NDUFS4: variants seen among roughly 807,000 people sequenced by gnomAD.
NDUFS4 encodes the protein NADH:ubiquinone oxidoreductase subunit S4, also known as NADH dehydrogenase [ubiquinone] iron-sulfur protein 4, mitochondrial.
A neutral mutation model predicts 24.3 loss-of-function variants in NDUFS4; 28 were observed. That is an observed-to-expected ratio of 1.15 (90% CI 0.85 to 1.58). The LOEUF (loss-of-function observed/expected upper bound fraction) is 1.58, where lower values mean the gene tolerates loss of function less well. Ranked by LOEUF, NDUFS4 falls within the 40% of genes most tolerant of loss-of-function variation. NDUFS4 has a pLI of 0.00. For synonymous variants in NDUFS4, 93 were observed against 69.7 expected, an observed-to-expected ratio of 1.34 and a Z score of -1.67; for missense variants, 223 against 207.9, an observed-to-expected ratio of 1.07 and a Z score of -0.45.
At chr5:53,655,935 C>G (rs1185111874) in intron 3 of NDUFS4, among the ~76,000 whole-genome samples, 1 of 152,132 alleles carries the variant, frequency 6.6e-6, no homozygotes, top group African/African-American at 2.4e-5. Flanking sequence ...AATCTTTGCT[C>G]AATTCTTTCA....
At chr5:53,561,935 T>C (rs2112400126) in intron 1 of NDUFS4, among the ~76,000 whole-genome samples, 1 of 152,232 alleles carries the variant, frequency 6.6e-6, no homozygotes, top group Non-Finnish European at 1.5e-5. Flanking sequence ...GTAAGGGTGC[T>C]AAGATTGGGG....
At chr5:53,663,466 T>C (rs1327847197) in intron 4 of NDUFS4, among the ~76,000 whole-genome samples, 1 of 151,742 alleles carries the variant, frequency 6.6e-6, no homozygotes, top group Admixed American at 6.6e-5. Flanking sequence ...GTGGGAGTCT[T>C]AAGTCTCTTT....
intron 1 of NDUFS4, among the ~76,000 whole-genome samples, chr5:53,579,728 G>A (rs1166811328): frequency 6.6e-6 from 1 of 152,098 alleles, no homozygotes; most frequent in African/African-American, 2.4e-5. Context: ...TAAAATAAAA[G>A]GGAGGGGAGG....
intron 2 of NDUFS4, among the ~76,000 whole-genome samples, chr5:53,603,802 A>G (rs1750409142): frequency 6.6e-6 from 1 of 152,128 alleles, no homozygotes; most frequent in African/African-American, 2.4e-5. Context: ...AACATTCATT[A>G]CTTTTTGTAA....
At chr5:53,665,878 T>G (rs572878142) in intron 4 of NDUFS4, among the ~76,000 whole-genome samples, 36 of 152,312 alleles carry the variant, frequency 2.4e-4, no homozygotes, top group African/African-American at 8.7e-4. Context: ...ACCCGGTACC[T>G]CAGTTGGAAA....
intron 1 of NDUFS4, among the ~76,000 whole-genome samples, chr5:53,574,840 CCA>C (rs1253036472): frequency 4.0e-5 from 6 of 149,956 alleles, no homozygotes; most frequent in Non-Finnish European, 6.0e-5. Flanking sequence ...CAATGTCCAT[CCA>C]GAAAATTGTG....
At chr5:53,652,967 T>C (rs911854054) in intron 3 of NDUFS4, among the ~76,000 whole-genome samples, 2 of 152,096 alleles carry the variant, frequency 1.3e-5, no homozygotes, top group Non-Finnish European at 2.9e-5. Context: ...TTTTATCTTT[T>C]AGGTTAGTAA....
intron 1 of NDUFS4, among the ~76,000 whole-genome samples, chr5:53,602,829 G>A (rs1357957161): frequency 2.6e-5 from 4 of 152,140 alleles, no homozygotes; most frequent in East Asian, 1.9e-4. Flanking sequence ...GTCCGTTAAC[G>A]TTAAGTAATT....
chr5:53,679,258 C>T (rs1260653699), intron 4 of NDUFS4, among the ~76,000 whole-genome samples: 1 of 151,976 alleles, frequency 6.6e-6, no homozygotes, highest in Admixed American at 6.6e-5. Context: ...ATTTTTTTTC[C>T]CTACACATCC....
chr5:53,577,195 T>C lies in NDUFS4; in HGVS notation c.98+16435T>C, dbSNP rs1264241697. Among the ~76,000 whole-genome samples the C allele has an allele frequency of 2.0e-5, 3 of 152,186 alleles. No individual in the cohort carries two copies. The East Asian group carries it at 5.8e-4, about 29-fold the overall frequency. On this transcript the variant is annotated intron_variant, in intron 1 of 4. Transcript: ENST00000296684. The stretch of plus-strand genomic sequence containing the variant: ...GAAACCTCCTGAGCAGTGTGTAGAA[T>C]GCTACCCAGTATTACCCATTTGAAA...
At chr5:53,680,301 A>G (rs1561405364) in intron 4 of NDUFS4, among the ~76,000 whole-genome samples, 1 of 152,190 alleles carries the variant, frequency 6.6e-6, no homozygotes, top group Non-Finnish European at 1.5e-5. Context: ...TCAGGGATCT[A>G]GAACTAGAAA....
chr5:53,584,044 C>T (rs936381863), intron 1 of NDUFS4, among the ~76,000 whole-genome samples: 7 of 152,174 alleles, frequency 4.6e-5, no homozygotes, highest in Admixed American at 1.3e-4. Context: ...CTTTTCCTTA[C>T]AGTCCTGCTG....
intron 3 of NDUFS4, among the ~76,000 whole-genome samples, chr5:53,647,039 C>G (rs542939111): frequency 8.6e-5 from 13 of 151,444 alleles, no homozygotes; most frequent in African/African-American, 3.1e-4. Context: ...GACACTTTAA[C>G]TTGTTTTAAA....
At chr5:53,566,935 G>A (rs1271607775) in intron 1 of NDUFS4, among the ~76,000 whole-genome samples, 3 of 147,972 alleles carry the variant, frequency 2.0e-5, no homozygotes, top group East Asian at 2.0e-4. Flanking sequence ...TGTGAACTCT[G>A]CCTCCCAGGT....
intron 4 of NDUFS4, among the ~76,000 whole-genome samples, chr5:53,664,385 T>A (rs1014214139): frequency 7.9e-5 from 12 of 151,302 alleles, no homozygotes; most frequent in Non-Finnish European, 1.3e-4. Flanking sequence ...CCTGCTTTGC[T>A]AGATTGGGGA....
intron 2 of NDUFS4, among the ~76,000 whole-genome samples, chr5:53,614,899 T>A (rs1221697446): frequency 3.3e-5 from 5 of 151,982 alleles, no homozygotes; most frequent in Admixed American, 2.0e-4. Context: ...AGGTTTTTTG[T>A]CATATTCTAG....
rs138351934 is a variant in NDUFS4, at chr5:53,661,871, G to A, written c.424+3247G>A. ...TATATCCTGAGACTTTGCTGAAGTTGCCTATGAGCTTAAGGCGATTTTGGG... is the reference window on the plus strand; with the variant it reads ...TATATCCTGAGACTTTGCTGAAGTTACCTATGAGCTTAAGGCGATTTTGGG... On this transcript the variant is annotated intron_variant, in intron 4 of 4. Coordinates refer to ENST00000296684, the MANE Select transcript of NDUFS4 (RefSeq NM_002495.4). Among the ~76,000 whole-genome samples the A allele has an allele frequency of 1.5e-3, 224 of 152,262 alleles. 1 individual carries two copies. The highest frequency in any genetic ancestry group is 4.9e-3 in the African/African-American group (202 of 41,560).
At chr5:53,594,764 CTT>C (rs980563239) in intron 1 of NDUFS4, among the ~76,000 whole-genome samples, 3 of 151,972 alleles carry the variant, frequency 2.0e-5, no homozygotes, top group African/African-American at 7.2e-5. Context: ...ATTTGGAAGA[CTT>C]TAACCACTCA....
chr5:53,604,361 A>G (rs1750431425), intron 2 of NDUFS4, among the ~76,000 whole-genome samples: 1 of 152,268 alleles, frequency 6.6e-6, no homozygotes, highest in East Asian at 1.9e-4. Context: ...TATTTGCACC[A>G]TTAAAGATAC....
Sources: gnomAD v4.1 joint callset for allele counts (sites outside exome capture counted in the v4.1 genomes callset) on GRCh38, gnomAD v4.1.1 for gene constraint, MANE v1.5 for transcripts, NCBI Gene and HGNC (gene_info 2026-07-23, HGNC 2026-07-21) for gene names.